Variants in FGD1 observed in about 807,000 individuals in gnomAD.
FGD1 encodes the protein FYVE, RhoGEF and PH domain containing 1.
In FGD1, 12 loss-of-function variants were observed where a neutral mutation model predicts 65.0. That is an observed-to-expected ratio of 0.18 (90% CI 0.12 to 0.30). The LOEUF (loss-of-function observed/expected upper bound fraction) is 0.30, where lower values mean the gene tolerates loss of function less well. Ranked by LOEUF, FGD1 falls within the 10% of genes least tolerant of loss-of-function variation. The probability of loss-of-function intolerance (pLI) is 1.00; values close to 1 mark genes in which losing one functional copy is unlikely to be tolerated. For synonymous variants in FGD1, 333 were observed against 343.9 expected (o/e 0.97, Z 0.35); for missense variants, 542 against 837.6 (o/e 0.65, Z 4.36).
chrX:54,470,141 C>G lies in FGD1; in HGVS notation c.976G>C (p.Asp326His). ...ALASVPVALA[D>H]PHRPGSQEVD... The stretch of plus-strand genomic sequence containing the variant: ...TCTTGGGAGCCAGGCCGGTGGGGGT[C>G]GGCCAAGGCAACAGGCACACTAGCC... Residue 326 changes from aspartate to histidine, a missense_variant, in exon 4 of 18, where the codon GAC becomes CAC. Physicochemically the swap from Asp to His is moderately conservative, Grantham distance 81 (BLOSUM62 -1). Transcript: ENST00000375135. The G allele has an allele frequency of 8.3e-7, 1 of 1,210,067 alleles. No individual in the cohort carries two copies. The highest frequency in any genetic ancestry group is 1.8e-5 in the South Asian group (1 of 56,676).
intron 1 of FGD1, among the ~76,000 whole-genome samples, chrX:54,486,312 G>A (rs1923275122): frequency 9.1e-6 from 1 of 109,545 alleles, no homozygotes; most frequent in South Asian, 4.0e-4. Context: ...GCAGTGGCAC[G>A]ATCTTGGCTC....
chrX:54,465,031 G>T (rs1033042731), intron 8 of FGD1, among the ~76,000 whole-genome samples: 5 of 107,769 alleles, frequency 4.6e-5, no homozygotes, highest in African/African-American at 1.7e-4. Context: ...TTTCTCATTT[G>T]GTACAACTTC....
At chrX:54,477,588 C>G (rs1923047915) in intron 1 of FGD1, among the ~76,000 whole-genome samples, 1 of 109,238 alleles carries the variant, frequency 9.2e-6, no homozygotes, top group Admixed American at 9.8e-5. Context: ...TGCCACCAAG[C>G]CCAGCTAATT....
At chrX:54,483,214 T>G (rs1923192361) in intron 1 of FGD1, among the ~76,000 whole-genome samples, 1 of 111,344 alleles carries the variant, frequency 9.0e-6, no homozygotes, top group South Asian at 3.8e-4. Context: ...CCCTAAGAGA[T>G]GCGGTGAAAG....
chrX:54,464,221 C>T (rs1922709549), intron 8 of FGD1, among the ~76,000 whole-genome samples: 1 of 105,227 alleles, frequency 9.5e-6, no homozygotes, highest in African/African-American at 3.5e-5. Context: ...CAAACCTCCA[C>T]CTCCTGGGTT....
rs368184471 is a variant in FGD1 at position 54,467,879 on chromosome X, G to A, written c.1245C>T (p.Ala415=). Residue 415 remains alanine (A), a synonymous_variant, in exon 6 of 18, where the codon GCC becomes GCT. Coordinates refer to ENST00000375135, the MANE Select transcript of FGD1 (RefSeq NM_004463.3). ...TAGAGAAGATGCCGTGGACAACGTC[G>A]GCCGGGAAGGAACTGCGGTTCCGAG... The part of the protein sequence containing the change: ...EEARNRSSFP[A]DVVHGIFSNI... 8.5e-6 allele frequency: 10 copies of A among 1,173,444 alleles called. No homozygotes were observed. The highest frequency in any genetic ancestry group is 1.9e-5 in the South Asian group (1 of 52,909).
chrX:54,472,191 T>A (rs1438145701), intron 1 of FGD1, among the ~76,000 whole-genome samples: 1 of 107,979 alleles, frequency 9.3e-6, no homozygotes, highest in Non-Finnish European at 1.9e-5. Context: ...GGTGGGAGGA[T>A]CACTTGAGCC....
At position 54,495,259 on chromosome X, in the gene FGD1, G is replaced by T; in HGVS notation, c.174C>A (p.Pro58=). The T allele has an allele frequency of 8.4e-7, 1 of 1,192,535 alleles. No homozygotes were observed. The highest frequency in any genetic ancestry group is 1.1e-6 in the Non-Finnish European group (1 of 886,867). ...SGSALGGPLD[P]QFVGPSDTSL... is the part of the protein sequence containing the mutation. ...TGGTGTCCGAGGGTCCGACAAACTG[G>T]GGATCCAGTGGGCCGCCAAGAGCCG... The change falls in exon 1 of 18, where the codon CCC becomes CCA. Residue 58 remains proline, a synonymous_variant. Transcript: ENST00000375135.
intron 16 of FGD1, among the ~76,000 whole-genome samples, chrX:54,447,664 G>A (rs1922259594): frequency 8.9e-6 from 1 of 112,749 alleles, no homozygotes; most frequent in Non-Finnish European, 1.9e-5. Context: ...TTTGGGCAAC[G>A]GCTGCTGCCT....
Position 54,445,487 on chromosome X carries a change from TA to T in FGD1, c.*621del, listed in dbSNP as rs562478629. The T allele has an allele frequency of 2.4e-3, 239 of 100,168 alleles. No homozygotes were observed. Among genetic ancestry groups the T allele is most frequent in the Middle Eastern group, 5.2e-3 (1 of 194 alleles). The allele number at this position is 100,168 out of a possible 1,213,427, so 8.3% of individuals were successfully genotyped here. A position where few individuals can be genotyped will look rare whatever the true frequency, so the allele number is the denominator to read the frequency against. ...AGCCTGAAATAAACTGTATTTTTCT[TA>T]AAAAAAAAAAAACACACAAAAAAAC... On this transcript the variant is annotated 3_prime_UTR_variant, in exon 18 of 18. Coordinates refer to ENST00000375135, the MANE Select transcript of FGD1 (RefSeq NM_004463.3).
chrX:54,495,073 C>T, intron 1 of FGD1, 53 bp downstream of exon 1: 6 of 1,129,893 alleles, frequency 5.3e-6, no homozygotes, highest in Non-Finnish European at 7.1e-6. Context: ...GAACCCGCTC[C>T]CAGTACCAGG....
chrX:54,453,624 C>T (rs1922429293), intron 12 of FGD1, among the ~76,000 whole-genome samples: 1 of 111,574 alleles, frequency 9.0e-6, no homozygotes. Context: ...AGGCTGGTCT[C>T]GAACTCCTGG....
At chrX:54,469,007 A>C in intron 4 of FGD1, 131 bp from the exon 5 acceptor site, 1 of 507,904 alleles carries the variant, frequency 2.0e-6, no homozygotes, top group Admixed American at 2.7e-5. Flanking sequence ...CTTGACCCCC[A>C]TCTCTAGATC....
Position 54,445,933 on chromosome X carries a change from A to G in FGD1, c.*176T>C, listed in dbSNP as rs1300373977. ...TCACTGTAGGAATATATTTTTTAAA[A>G]GCCCACGTTTTGTGAAAAGATGAAT... is the stretch of plus-strand genomic sequence containing the variant. On this transcript the variant is annotated 3_prime_UTR_variant, in exon 18 of 18. Transcript: ENST00000375135. 2 of 440,162 alleles carry G rather than the reference A, an allele frequency of 4.5e-6. No homozygotes were observed. The highest frequency in any genetic ancestry group is 4.0e-6 in the Non-Finnish European group (1 of 251,354). The allele number at this position is 440,162 out of a possible 1,213,427, so 36.3% of individuals were successfully genotyped here.
At chrX:54,464,057 G>A (rs778033583) in intron 8 of FGD1, among the ~76,000 whole-genome samples, 1 of 108,115 alleles carries the variant, frequency 9.2e-6, no homozygotes, top group South Asian at 4.1e-4. Flanking sequence ...TGCCTCCCGA[G>A]TTCGAGTGAT....
intron 17 of FGD1, among the ~76,000 whole-genome samples, chrX:54,447,042 C>G (rs1365455858): frequency 9.0e-6 from 1 of 111,307 alleles, no homozygotes; most frequent in African/African-American, 3.3e-5. Context: ...ATACTCTTAC[C>G]CACTCCAAAT....
At chrX:54,494,416 T>C (rs964872746) in intron 1 of FGD1, among the ~76,000 whole-genome samples, 1 of 99,423 alleles carries the variant, frequency 1.0e-5, no homozygotes, top group Non-Finnish European at 2.0e-5. Context: ...TTTTTTTTTT[T>C]TTTTTTTTTT....
chrX:54,456,071 A>G, intron 10 of FGD1, 149 bp downstream of exon 10: 1 of 633,598 alleles, frequency 1.6e-6, no homozygotes, highest in East Asian at 3.5e-5. Context: ...TAGAGGAGAG[A>G]ATGACTAGCA....
chrX:54,451,461 T>A (rs1475856385), intron 12 of FGD1, among the ~76,000 whole-genome samples: 3 of 108,899 alleles, frequency 2.8e-5, no homozygotes, highest in Non-Finnish European at 5.7e-5. Flanking sequence ...ATTTTTGTAT[T>A]TTCAGTAGAG....
Sources: allele counts gnomAD v4.1 joint callset (sites outside exome capture counted in the v4.1 genomes callset), GRCh38; gene constraint gnomAD v4.1.1; transcripts MANE v1.5; gene names NCBI Gene and HGNC (gene_info 2026-07-23, HGNC 2026-07-21).